Variants in SGK3 observed in about 807,000 individuals in gnomAD.
SGK3 encodes serine/threonine-protein kinase Sgk3.
SGK3 carries 47 observed loss-of-function variants against 68.5 expected under a neutral mutation model. The observed-to-expected ratio is 0.69, with a 90% CI of 0.54 to 0.87. The LOEUF (loss-of-function observed/expected upper bound fraction) is 0.87. Among genes scored for constraint, SGK3 ranks in the 40% least tolerant of loss-of-function variants. The pLI is 0.00. For synonymous variants in SGK3, 181 were observed against 189.1 expected (o/e 0.96, Z 0.35); for missense variants, 479 against 575.5 (o/e 0.83, Z 1.72).
chr8:66,759,832 G>A (rs1483288076), intron 1 of SGK3, among the ~76,000 whole-genome samples: 3 of 151,694 alleles, frequency 2.0e-5, no homozygotes, highest in Non-Finnish European at 4.4e-5. Context: ...TGATCCACCC[G>A]CCTCGGCCTC....
At chr8:66,848,032 ACTG>A (rs1490529148) in intron 15 of SGK3, among the ~76,000 whole-genome samples, 1 of 152,080 alleles carries the variant, frequency 6.6e-6, no homozygotes, top group East Asian at 1.9e-4. Flanking sequence ...GAACTTTTGA[ACTG>A]CTTTCTCAGA....
intron 6 of SGK3, among the ~76,000 whole-genome samples, chr8:66,824,407 G>A (rs901590358): frequency 8.5e-5 from 13 of 152,052 alleles, no homozygotes; most frequent in South Asian, 4.1e-4. Context: ...AATGTTGAAC[G>A]TTGATGCTAT....
intron 16 of SGK3, among the ~76,000 whole-genome samples, chr8:66,857,077 A>C (rs1810542117): frequency 6.6e-6 from 1 of 152,148 alleles, no homozygotes; most frequent in Non-Finnish European, 1.5e-5. Context: ...TGGGCAACAG[A>C]ATGAGATTCT....
At chr8:66,715,936 T>A (rs1163375884) in intron 1 of SGK3, among the ~76,000 whole-genome samples, 1 of 152,220 alleles carries the variant, frequency 6.6e-6, no homozygotes, top group East Asian at 1.9e-4. Flanking sequence ...TCAACGTTCT[T>A]CTGTGTGGGA....
At chr8:66,809,700 A>G (rs1115965) in intron 4 of SGK3, among the ~76,000 whole-genome samples, 140,996 of 152,318 alleles carry the variant, frequency 0.93, 65,409 homozygotes, top group East Asian at 1. Context: ...ACTTCATAGC[A>G]GAATCACAGT....
rs187561576 is a variant in SGK3, at chr8:66,801,721, G to A, written c.181-2654G>A. Among the ~76,000 whole-genome samples, 207 of 151,862 alleles carry A rather than the reference G, an allele frequency of 1.4e-3. 1 individual carries two copies. Among genetic ancestry groups the A allele is most frequent in the Non-Finnish European group, 2.0e-3 (138 of 67,942 alleles). ...CCACATACATTTGAGACTTCTTTCT[G>A]TCTTTTGCTTAAAATATTTCATAGG... On this transcript the variant is annotated intron_variant, in intron 3 of 16. Transcript: ENST00000521198.
At chr8:66,787,814 A>AT (rs1198156524) in intron 1 of SGK3, among the ~76,000 whole-genome samples, 3 of 152,226 alleles carry the variant, frequency 2.0e-5, no homozygotes, top group Admixed American at 2.0e-4. Context: ...CCCTTTAAAA[A>AT]ATATATAATT....
chr8:66,843,420 G>T, intron 13 of SGK3, 32 bp from the exon 14 acceptor site: 1 of 1,589,674 alleles, frequency 6.3e-7, no homozygotes, highest in African/African-American at 1.3e-5. Context: ...TTTGTTTACT[G>T]ACTTGCTCTA....
Position 66,804,463 on chromosome 8 carries a change from A to G in SGK3, c.253+16A>G. On this transcript the variant is annotated intron_variant, in intron 4 of 16. Transcript: ENST00000521198. ...TTTGATCCAGGTAAGAAACAACTTCATAGGCCAGCTATGAAGTGATTGTTG... is the reference window on the plus strand; with the variant it reads ...TTTGATCCAGGTAAGAAACAACTTCGTAGGCCAGCTATGAAGTGATTGTTG... 6.2e-7 allele frequency: 1 copy of G among 1,611,240 alleles called. No individual in the cohort carries two copies. The highest frequency in any genetic ancestry group is 8.5e-7 in the Non-Finnish European group (1 of 1,178,452).
In SGK3 at chr8:66,792,740, G is replaced by A. The variant is rs117204353; in HGVS notation, c.-121-876G>A. On this transcript the variant is annotated intron_variant, in intron 1 of 16. Transcript: ENST00000521198. ...AAGAAAAAAACAAAAAAAAAGTATT[G>A]TTTGAGCCAGGTGTGATGGTCTGTG... 1.7e-3 allele frequency among the ~76,000 whole-genome samples: 260 copies of A among 152,268 alleles called. 6 individuals carry two copies. The East Asian group carries it at 0.045, about 26-fold the overall frequency.
At chr8:66,718,280 C>T (rs1804697612) in intron 1 of SGK3, among the ~76,000 whole-genome samples, 1 of 152,086 alleles carries the variant, frequency 6.6e-6, no homozygotes, top group African/African-American at 2.4e-5. Flanking sequence ...CCACATCGGC[C>T]TCCCAAAGTG....
chr8:66,735,326 G>T (rs117151579), intron 1 of SGK3, among the ~76,000 whole-genome samples: 4 of 152,196 alleles, frequency 2.6e-5, no homozygotes, highest in African/African-American at 9.7e-5. Flanking sequence ...CATTATTGTT[G>T]ATTGTGTAAG....
At chr8:66,790,085 A>G (rs535806845) in intron 1 of SGK3, among the ~76,000 whole-genome samples, 2 of 152,288 alleles carry the variant, frequency 1.3e-5, no homozygotes, top group South Asian at 2.1e-4. Context: ...CTCAAAAAAA[A>G]GAAAAAAAAT....
At chr8:66,807,058 C>A (rs1563638039) in intron 4 of SGK3, among the ~76,000 whole-genome samples, 2 of 151,962 alleles carry the variant, frequency 1.3e-5, no homozygotes, top group Non-Finnish European at 1.5e-5. Context: ...AGGGAATAGT[C>A]CAATAGCCCT....
chr8:66,839,051 C>T (rs1196246593), intron 10 of SGK3, among the ~76,000 whole-genome samples: 1 of 151,966 alleles, frequency 6.6e-6, no homozygotes, highest in Non-Finnish European at 1.5e-5. Flanking sequence ...TTAAAACCAA[C>T]AGAATGGATA....
intron 3 of SGK3, among the ~76,000 whole-genome samples, chr8:66,802,095 T>A (rs1807967333): frequency 6.6e-6 from 1 of 152,196 alleles, no homozygotes; most frequent in Admixed American, 6.5e-5. Flanking sequence ...CTTTTCACCC[T>A]TTTTTCATTG....
chr8:66,721,728 T>C (rs1321603362), intron 1 of SGK3, among the ~76,000 whole-genome samples: 2 of 152,054 alleles, frequency 1.3e-5, no homozygotes, highest in African/African-American at 4.8e-5. Flanking sequence ...CATTGTTTTG[T>C]GCTATTTTTT....
intron 6 of SGK3, among the ~76,000 whole-genome samples, chr8:66,827,450 A>G (rs1189672779): frequency 1.3e-5 from 2 of 150,918 alleles, no homozygotes; most frequent in Non-Finnish European, 3.0e-5. Flanking sequence ...GCTTTTTTAT[A>G]TTTATAGCTT....
intron 1 of SGK3, 78 bp downstream of exon 1, chr8:66,712,911 G>A (rs1400582840): frequency 6.6e-6 from 1 of 151,946 alleles, no homozygotes; most frequent in Non-Finnish European, 1.5e-5. Context: ...ACGGGGCGGG[G>A]CGAGGGCTGC....
Sources: gnomAD v4.1 joint callset for allele counts (sites outside exome capture counted in the v4.1 genomes callset) on GRCh38, gnomAD v4.1.1 for gene constraint, MANE v1.5 for transcripts, NCBI Gene and HGNC (gene_info 2026-07-23, HGNC 2026-07-21) for gene names.